LTBP1: variants seen among roughly 807,000 people sequenced by gnomAD.
LTBP1 encodes the protein latent transforming growth factor beta binding protein 1, also known as latent-transforming growth factor beta-binding protein 1.
LTBP1 carries 129 observed loss-of-function variants against 207.6 expected under a neutral mutation model. That is an observed-to-expected ratio of 0.62 (90% CI 0.54 to 0.72). The LOEUF is 0.72. Ranked by LOEUF, LTBP1 falls within the 30% of genes least tolerant of loss-of-function variation. The probability of loss-of-function intolerance (pLI) is 0.00; values close to 1 mark genes in which losing one functional copy is unlikely to be tolerated. For synonymous variants in LTBP1, 963 were observed against 833.7 expected, an observed-to-expected ratio of 1.16 and a Z score of -2.67; for missense variants, 2,281 against 2,217.2, an observed-to-expected ratio of 1.03 and a Z score of -0.58.
chr2:33,114,729 C>A (rs1342679898), intron 4 of LTBP1, among the ~76,000 whole-genome samples: 2 of 152,158 alleles, frequency 1.3e-5, no homozygotes, highest in African/African-American at 2.4e-5. Flanking sequence ...TGGGATGTTA[C>A]TCCTGGTTGC....
intron 3 of LTBP1, among the ~76,000 whole-genome samples, chr2:33,057,481 G>A (rs1258598266): frequency 1.3e-5 from 2 of 152,234 alleles, no homozygotes; most frequent in Admixed American, 6.5e-5. Flanking sequence ...GCAGGGGGCA[G>A]CTCTCATCGG....
intron 29 of LTBP1, among the ~76,000 whole-genome samples, 167 bp downstream of exon 29, chr2:33,363,685 G>GA (rs1353267791): frequency 6.6e-6 from 1 of 152,036 alleles, no homozygotes; most frequent in Admixed American, 6.5e-5. Context: ...AAAATAAAAA[G>GA]AAAAAACCAC....
chr2:33,250,711 C>T (rs2092658435), intron 10 of LTBP1, among the ~76,000 whole-genome samples: 1 of 152,138 alleles, frequency 6.6e-6, no homozygotes, highest in African/African-American at 2.4e-5. Flanking sequence ...CGAGAGGGAG[C>T]TCATGCATGC....
At chr2:32,954,185 T>G (rs148979643) in intron 2 of LTBP1, among the ~76,000 whole-genome samples, 1 of 152,186 alleles carries the variant, frequency 6.6e-6, no homozygotes, top group Non-Finnish European at 1.5e-5. Context: ...CTTGAGGTCT[T>G]GGTCTGAAAA....
intron 2 of LTBP1, among the ~76,000 whole-genome samples, chr2:32,991,259 A>G (rs1684368031): frequency 6.6e-6 from 1 of 152,234 alleles, no homozygotes; most frequent in African/African-American, 2.4e-5. Flanking sequence ...ACATTTTAAA[A>G]ATGGATCTTA....
chr2:33,367,074 T>C (rs28709139), intron 31 of LTBP1, among the ~76,000 whole-genome samples: 42,656 of 152,006 alleles, frequency 0.28, 8,216 homozygotes, highest in African/African-American at 0.55. Context: ...TAGCATTTTC[T>C]TATATATTAA....
rs529975050 is a variant in LTBP1 at position 32,949,010 on chromosome 2, G to T, written c.565+65G>T. On this transcript the variant is annotated intron_variant, in intron 2 of 33. Coordinates refer to ENST00000404816, the MANE Select transcript of LTBP1 (RefSeq NM_206943.4). Reference sequence around the variant, plus strand: ...AAGTGGGGGGAGGTGTCCACATGGGGGCATCTCACAAGGGCCACTTGAAAG... The same window carrying T: ...AAGTGGGGGGAGGTGTCCACATGGGTGCATCTCACAAGGGCCACTTGAAAG... The T allele has an allele frequency of 5.3e-6, 8 of 1,510,188 alleles. No homozygotes were observed. The East Asian group carries it at 1.6e-4, about 30-fold the overall frequency. 93.5% of individuals were successfully genotyped at this position (1,510,188 alleles called of 1,614,324 possible). A position where few individuals can be genotyped will look rare whatever the true frequency, so the allele number is the denominator to read the frequency against.
chr2:33,321,280 C>A (rs72799747), intron 24 of LTBP1, among the ~76,000 whole-genome samples: 3 of 152,288 alleles, frequency 2.0e-5, no homozygotes, highest in African/African-American at 4.8e-5. Flanking sequence ...ACTCTAACCC[C>A]ATAACCTTCT....
Position 33,000,880 on chromosome 2 carries a change from C to T in LTBP1, c.566-20029C>T, listed in dbSNP as rs994182580. 1.4e-4 allele frequency among the ~76,000 whole-genome samples: 19 copies of T among 134,208 alleles called. 4 individuals carry two copies. The highest frequency in any genetic ancestry group is 3.8e-4 in the Admixed American group (5 of 13,038). 88.0% of individuals were successfully genotyped at this position (134,208 alleles called of 152,430 possible). Reference sequence around the variant, plus strand: ...GGAGGGGGGGTTCAAACACTCAACCCGCTTCATCTGCTTCATGTATTAAGC... The same window carrying T: ...GGAGGGGGGGTTCAAACACTCAACCTGCTTCATCTGCTTCATGTATTAAGC... On this transcript the variant is annotated intron_variant, in intron 2 of 33. Coordinates refer to ENST00000404816, the MANE Select transcript of LTBP1 (RefSeq NM_206943.4).
At chr2:33,093,561 T>A (rs546233339) in intron 3 of LTBP1, among the ~76,000 whole-genome samples, 1 of 152,310 alleles carries the variant, frequency 6.6e-6, no homozygotes, top group South Asian at 2.1e-4. Context: ...TGTAAATGTT[T>A]CCAAATTGTT....
chr2:33,267,987 C>T (rs2093226152), intron 15 of LTBP1, among the ~76,000 whole-genome samples: 1 of 152,184 alleles, frequency 6.6e-6, no homozygotes, highest in African/African-American at 2.4e-5. Context: ...ATGAATATAT[C>T]CTTCCAAGAA....
intron 3 of LTBP1, among the ~76,000 whole-genome samples, chr2:33,069,863 C>A (rs115068480): frequency 0.01 from 1,584 of 152,294 alleles, 22 homozygotes; most frequent in African/African-American, 0.037. Flanking sequence ...AGACGGTATT[C>A]CCCGAAGAGC....
At chr2:32,993,961 G>T (rs1055518953) in intron 2 of LTBP1, among the ~76,000 whole-genome samples, 1 of 120,542 alleles carries the variant, frequency 8.3e-6, no homozygotes, top group Non-Finnish European at 1.9e-5. Context: ...GGGGACTTCA[G>T]TTAGGGGAGT....
chr2:33,280,029 G>C lies in LTBP1; in HGVS notation c.2993-10G>C. On this transcript the variant is annotated splice_polypyrimidine_tract_variant and intron_variant, in intron 18 of 33. Transcript: ENST00000404816. ...TAAAATGTTCACGACCTAGGTTTTT[G>C]ATTTTTCAGATATTGATGAATGTTT... 1 of 1,611,884 alleles carries C rather than the reference G, an allele frequency of 6.2e-7. No individual in the cohort carries two copies. The highest frequency in any genetic ancestry group is 8.5e-7 in the Non-Finnish European group (1 of 1,179,446).
At chr2:32,961,207 G>T (rs1679052595) in intron 2 of LTBP1, among the ~76,000 whole-genome samples, 1 of 152,172 alleles carries the variant, frequency 6.6e-6, no homozygotes, top group African/African-American at 2.4e-5. Context: ...CTGACCACCT[G>T]CCTGGTGCCC....
At chr2:32,984,208 A>C (rs1466214185) in intron 2 of LTBP1, among the ~76,000 whole-genome samples, 2 of 152,342 alleles carry the variant, frequency 1.3e-5, no homozygotes, top group East Asian at 3.9e-4. Context: ...TTGACAGCAC[A>C]AGACTGTCTG....
At chr2:32,960,990 C>A (rs1398468840) in intron 2 of LTBP1, among the ~76,000 whole-genome samples, 3 of 152,048 alleles carry the variant, frequency 2.0e-5, no homozygotes, top group Non-Finnish European at 4.4e-5. Flanking sequence ...ACAGTCAACA[C>A]AAGTACTATA....
At position 33,263,966 on chromosome 2, in the gene LTBP1, A is replaced by G. The variant is rs146230241; in HGVS notation, c.2617+574A>G. ...GACTCTGTCTAAAAAAAGAAAAAAAAAAAAAAGGACTGGGTGCGGTGGTTC... is the reference window on the plus strand; with the variant it reads ...GACTCTGTCTAAAAAAAGAAAAAAAGAAAAAAGGACTGGGTGCGGTGGTTC... On this transcript the variant is annotated intron_variant, in intron 15 of 33. Coordinates refer to ENST00000404816, the MANE Select transcript of LTBP1 (RefSeq NM_206943.4). 9.8e-3 allele frequency among the ~76,000 whole-genome samples: 1,471 copies of G among 150,102 alleles called. 22 individuals are homozygous for G. Among genetic ancestry groups the G allele is most frequent in the African/African-American group, 0.031 (1,259 of 40,616 alleles).
Position 33,110,705 on chromosome 2 carries a change from T to C in LTBP1, c.987T>C (p.Ser329=), listed in dbSNP as rs767210688. 3.7e-6 allele frequency: 6 copies of C among 1,614,226 alleles called. No individual in the cohort carries two copies. In the East Asian group the frequency reaches 1.1e-4, roughly 30 times the overall value. The part of the protein sequence containing the change: ...GISGEQSTEG[S]FPLRYVQDQV... Reference sequence around the variant, plus strand: ...CAGGAGAGCAGTCCACTGAAGGTTCTTTCCCTTTAAGATATGTGCAGGATC... The same window carrying C: ...CAGGAGAGCAGTCCACTGAAGGTTCCTTCCCTTTAAGATATGTGCAGGATC... Residue 329 remains serine (S), a synonymous_variant, in exon 4 of 34, where the codon TCT becomes TCC. Coordinates refer to ENST00000404816, the MANE Select transcript of LTBP1 (RefSeq NM_206943.4).
Sources: gnomAD v4.1 joint callset for allele counts (sites outside exome capture counted in the v4.1 genomes callset) on GRCh38, gnomAD v4.1.1 for gene constraint, MANE v1.5 for transcripts, NCBI Gene and HGNC (gene_info 2026-07-23, HGNC 2026-07-21) for gene names.